DGKB: variants seen among roughly 807,000 people sequenced by gnomAD.
DGKB encodes the protein diacylglycerol kinase beta.
In DGKB, 67 loss-of-function variants were observed where a neutral mutation model predicts 114.3. The ratio of observed to expected loss-of-function variants is 0.59; its 90% CI spans 0.48 to 0.72. The LOEUF is 0.72. DGKB is among the 30% of genes least tolerant of loss of function. The pLI is 0.00. For missense variants in DGKB, 907 were observed against 975.2 expected (o/e 0.93, Z 0.93); for synonymous variants, 398 against 323.1 (o/e 1.23, Z -2.49).
At chr7:14,539,106 C>T (rs185939643) in intron 20 of DGKB, among the ~76,000 whole-genome samples, 3 of 152,126 alleles carry the variant, frequency 2.0e-5, no homozygotes, top group Admixed American at 6.5e-5. Flanking sequence ...AAATTACTCA[C>T]ACTTAAAAAT....
rs560963804 is a variant in DGKB at position 14,619,020 on chromosome 7, T to C, written c.1284+2358A>G. On this transcript the variant is annotated intron_variant, in intron 15 of 25. Transcript: ENST00000402815. ...TACTATTTTTTCATTTTGCATATAA[T>C]AGCTATCCAGAACTTTATTCTTTTA... is the stretch of plus-strand genomic sequence containing the variant. 7.9e-5 allele frequency among the ~76,000 whole-genome samples: 12 copies of C among 151,694 alleles called. No individual in the cohort carries two copies. In the South Asian group the frequency reaches 8.3e-4, roughly 10 times the overall value.
chr7:14,434,657 C>T (rs1271548119), intron 21 of DGKB, among the ~76,000 whole-genome samples: 2 of 152,132 alleles, frequency 1.3e-5, no homozygotes, highest in African/African-American at 4.8e-5. Context: ...TAAGATAATA[C>T]ATTTAACAAA....
chr7:14,159,220 T>C (rs12666221), intron 25 of DGKB, among the ~76,000 whole-genome samples: 1 of 151,824 alleles, frequency 6.6e-6, no homozygotes, highest in African/African-American at 2.4e-5. Context: ...GTCTTCCTTC[T>C]GAACCCTGTA....
chr7:14,194,590 A>G (rs1784764311), intron 23 of DGKB, among the ~76,000 whole-genome samples: 2 of 152,178 alleles, frequency 1.3e-5, no homozygotes, highest in Non-Finnish European at 2.9e-5. Flanking sequence ...GAAATGTTGC[A>G]TTCCCTGTTG....
chr7:14,804,070 G>GGGGTGTGTGT (rs1554282561), intron 2 of DGKB, among the ~76,000 whole-genome samples: 1 of 146,508 alleles, frequency 6.8e-6, no homozygotes, highest in Non-Finnish European at 1.5e-5. Flanking sequence ...TCACTTTTTG[G>GGGGTGTGTGT]GTGTGTGTGT....
chr7:14,459,699 C>T (rs1275695572), intron 21 of DGKB, among the ~76,000 whole-genome samples: 1 of 152,146 alleles, frequency 6.6e-6, no homozygotes, highest in Non-Finnish European at 1.5e-5. Context: ...AAGAACTTCA[C>T]CAACCTAGCA....
At chr7:14,900,482 A>G (rs920955487) in intron 1 of DGKB, among the ~76,000 whole-genome samples, 13 of 152,130 alleles carry the variant, frequency 8.5e-5, no homozygotes, top group Admixed American at 5.2e-4. Context: ...TTTCAAGCCT[A>G]TAGATCACAT....
Position 14,784,906 on chromosome 7 carries a change from G to C in DGKB, c.71-27175C>G, listed in dbSNP as rs528292357. Among the ~76,000 whole-genome samples, 11 of 150,854 alleles carry C rather than the reference G, an allele frequency of 7.3e-5. No individual in the cohort carries two copies. The East Asian group carries it at 2.0e-3, about 27-fold the overall frequency. ...CCTACAATATATTCTATGTGTATTT[G>C]TTGCTGAAATACTTTTCAATATGTC... On this transcript the variant is annotated intron_variant, in intron 2 of 25. Transcript: ENST00000402815.
At chr7:14,239,858 A>G (rs945949616) in intron 23 of DGKB, among the ~76,000 whole-genome samples, 6 of 152,074 alleles carry the variant, frequency 3.9e-5, no homozygotes, top group Non-Finnish European at 8.8e-5. Flanking sequence ...GACTCTATCT[A>G]TCTATTATCA....
At chr7:14,424,522 C>G (rs528923969) in intron 21 of DGKB, among the ~76,000 whole-genome samples, 2 of 152,042 alleles carry the variant, frequency 1.3e-5, no homozygotes, top group East Asian at 3.9e-4. Context: ...AATAACCATC[C>G]CTTATATTCT....
intron 23 of DGKB, among the ~76,000 whole-genome samples, chr7:14,301,224 T>C (rs1803487018): frequency 6.6e-6 from 1 of 152,126 alleles, no homozygotes; most frequent in Non-Finnish European, 1.5e-5. Flanking sequence ...TAAATTAAAA[T>C]GTTAAACAAT....
intron 2 of DGKB, among the ~76,000 whole-genome samples, chr7:14,778,862 A>T (rs1838637931): frequency 6.6e-6 from 1 of 152,210 alleles, no homozygotes; most frequent in Admixed American, 6.5e-5. Flanking sequence ...AAATTAATCA[A>T]AATAAATTAT....
At chr7:14,270,132 T>G (rs1430457913) in intron 23 of DGKB, among the ~76,000 whole-genome samples, 2 of 150,130 alleles carry the variant, frequency 1.3e-5, no homozygotes, top group East Asian at 4.0e-4. Context: ...AATGTGCATG[T>G]AAGATGGTAG....
intron 23 of DGKB, among the ~76,000 whole-genome samples, chr7:14,190,485 G>T (rs942890693): frequency 1.3e-5 from 2 of 152,012 alleles, no homozygotes; most frequent in Admixed American, 6.6e-5. Context: ...CCTAGGATTT[G>T]TTATTAATTT....
At chr7:14,685,800 T>A (rs2128976612) in intron 9 of DGKB, among the ~76,000 whole-genome samples, 1 of 152,292 alleles carries the variant, frequency 6.6e-6, no homozygotes, top group African/African-American at 2.4e-5. Context: ...TTACTAGTAG[T>A]AATATACAAA....
At chr7:14,207,478 G>A (rs6461073) in intron 23 of DGKB, among the ~76,000 whole-genome samples, 70,104 of 151,788 alleles carry the variant, frequency 0.46, 19,194 homozygotes, top group African/African-American at 0.77. Context: ...CAGCTTCTCT[G>A]TGGTGAGGTG....
chr7:14,507,777 C>A (rs1787324170), intron 20 of DGKB, among the ~76,000 whole-genome samples: 1 of 152,084 alleles, frequency 6.6e-6, no homozygotes, highest in South Asian at 2.1e-4. Context: ...CAAGTAGGCA[C>A]AATGCCAAAC....
chr7:14,516,930 T>A (rs1788888001), intron 20 of DGKB, among the ~76,000 whole-genome samples: 1 of 151,620 alleles, frequency 6.6e-6, no homozygotes, highest in Admixed American at 6.6e-5. Context: ...TAACTATGAA[T>A]TCTTCATGGA....
At chr7:14,644,895 C>T (rs563067391) in intron 13 of DGKB, among the ~76,000 whole-genome samples, 87 of 152,198 alleles carry the variant, frequency 5.7e-4, no homozygotes, top group Non-Finnish European at 1.0e-3. Flanking sequence ...CTATCGATGG[C>T]GACAGGGGAC....
Sources: allele counts gnomAD v4.1 joint callset (sites outside exome capture counted in the v4.1 genomes callset), GRCh38; gene constraint gnomAD v4.1.1; transcripts MANE v1.5; gene names NCBI Gene and HGNC (gene_info 2026-07-23, HGNC 2026-07-21).